The following BMP1 variants were observed in gnomAD, a reference collection of about 807,000 sequenced individuals.
The protein encoded by BMP1 is bone morphogenetic protein 1.
In BMP1, 63 loss-of-function variants were observed where a neutral mutation model predicts 116.8. The observed-to-expected ratio is 0.54, with a 90% CI of 0.44 to 0.67. The LOEUF (loss-of-function observed/expected upper bound fraction) is 0.67. Among genes scored for constraint, BMP1 ranks in the 30% least tolerant of loss-of-function variants. BMP1 has a pLI of 0.00. For synonymous variants in BMP1, 536 were observed against 533.4 expected, an observed-to-expected ratio of 1.00 and a Z score of -0.07; for missense variants, 1,183 against 1,358.9, an observed-to-expected ratio of 0.87 and a Z score of 2.04.
intron 8 of BMP1, among the ~76,000 whole-genome samples, chr8:22,190,584 G>A (rs1012569188): frequency 6.6e-6 from 1 of 152,232 alleles, no homozygotes; most frequent in Non-Finnish European, 1.5e-5. Context: ...AAGGTATAGA[G>A]AGGTGGAGAG....
chr8:22,209,477 A>AC lies in BMP1; in HGVS notation c.2610dup (p.Lys871GlnfsTer21), dbSNP rs1829422782. On this transcript the variant is annotated frameshift_variant, in exon 19 of 20. Transcript: ENST00000306385. LOFTEE classifies it high-confidence loss of function. ...GGGCCAGGTACGGGCAGACGTGAAG[A>AC]CCAAGGACCTTTACTCCCACGCCCA... is the stretch of plus-strand genomic sequence containing the variant. 6.2e-7 allele frequency: 1 copy of AC among 1,614,054 alleles called. No homozygotes were observed. The highest frequency in any genetic ancestry group is 8.5e-7 in the Non-Finnish European group (1 of 1,180,026).
intron 8 of BMP1, among the ~76,000 whole-genome samples, chr8:22,190,046 G>A (rs1470770373): frequency 3.3e-5 from 5 of 152,098 alleles, no homozygotes; most frequent in Admixed American, 3.3e-4. Context: ...TCAGCCTCCT[G>A]AGTAGCTAGG....
intron 8 of BMP1, among the ~76,000 whole-genome samples, chr8:22,182,473 G>A (rs1399800272): frequency 6.6e-6 from 1 of 152,182 alleles, no homozygotes; most frequent in South Asian, 2.1e-4. Context: ...CGGGATGTAC[G>A]CTCCTTCTGA....
intron 18 of BMP1, 144 bp downstream of exon 18, chr8:22,207,660 G>A (rs912292269): frequency 4.0e-6 from 4 of 989,154 alleles, no homozygotes; most frequent in Non-Finnish European, 5.9e-6. Flanking sequence ...CAAACATTGT[G>A]TCCTGAGAAC....
chr8:22,201,200 G>T lies in BMP1; in HGVS notation c.2108-603G>T, dbSNP rs371992060. The T allele has an allele frequency of 6.8e-6, 11 of 1,609,788 alleles. No homozygotes were observed. The highest frequency in any genetic ancestry group is 2.2e-5 in the East Asian group (1 of 44,514). ...TGCAGAAAAGAAACCGGACCCCCCAGTGAGGCCTGCCAGGCCTCCCGGACC... is the reference window on the plus strand; with the variant it reads ...TGCAGAAAAGAAACCGGACCCCCCATTGAGGCCTGCCAGGCCTCCCGGACC... On this transcript the variant is annotated intron_variant, in intron 15 of 19. Coordinates refer to ENST00000306385, the MANE Select transcript of BMP1 (RefSeq NM_006129.5).
chr8:22,192,464 T>G (rs1158822684), intron 9 of BMP1: 1 of 255,612 alleles, frequency 3.9e-6, no homozygotes, highest in East Asian at 9.9e-5. Flanking sequence ...GACAGGCTGT[T>G]CTGCGCATCC....
chr8:22,181,245 C>T (rs967779578), intron 8 of BMP1, among the ~76,000 whole-genome samples: 2 of 152,238 alleles, frequency 1.3e-5, no homozygotes, highest in Non-Finnish European at 2.9e-5. Flanking sequence ...CACCTTCTGT[C>T]TTACCTTGTG....
At chr8:22,174,701 C>T (rs937117144) in intron 2 of BMP1, among the ~76,000 whole-genome samples, 4 of 136,632 alleles carry the variant, frequency 2.9e-5, no homozygotes, top group African/African-American at 8.6e-5. Flanking sequence ...GGCACCATTT[C>T]GGCTCACTGC....
At chr8:22,185,768 C>T (rs1396933975) in intron 8 of BMP1, among the ~76,000 whole-genome samples, 1 of 151,598 alleles carries the variant, frequency 6.6e-6, no homozygotes, top group Non-Finnish European at 1.5e-5. Context: ...ATCACAGGCA[C>T]CTGCTATCGC....
In BMP1 at chr8:22,195,550, C is replaced by T. The variant is rs781515152; in HGVS notation, c.1728C>T (p.Pro576=). The change falls in exon 13 of 20, where the codon CCC becomes CCT. Residue 576 remains proline, a synonymous_variant. Coordinates refer to ENST00000306385, the MANE Select transcript of BMP1 (RefSeq NM_006129.5). ...TLGSYKCSCD[P]GYELAPDKRR... ...GCAGCTACAAGTGCAGCTGTGACCC[C>T]GGGTACGAGCTGGCCCCAGACAAGC... is the stretch of plus-strand genomic sequence containing the variant. 1.7e-5 allele frequency: 27 copies of T among 1,612,362 alleles called. No individual in the cohort carries two copies. The African/African-American group carries it at 2.1e-4, about 13-fold the overall frequency.
intron 15 of BMP1, 31 bp downstream of exon 15, chr8:22,197,451 A>T: frequency 6.3e-7 from 1 of 1,575,704 alleles, no homozygotes; most frequent in Non-Finnish European, 8.7e-7. Flanking sequence ...TCCTAGCCCC[A>T]CCTCTCCTCG....
At position 22,177,062 on chromosome 8, in the gene BMP1, T is replaced by C; in HGVS notation, c.653T>C (p.Val218Ala). 5.6e-6 allele frequency: 9 copies of C among 1,612,618 alleles called. No individual in the cohort carries two copies. Among genetic ancestry groups the C allele is most frequent in the Non-Finnish European group, 7.6e-6 (9 of 1,179,444 alleles). Reference sequence around the variant, plus strand: ...ATTGTGGTCCACGAGCTGGGCCACGTCGTCGGCTTCTGGCACGAACACACT... The same window carrying C: ...ATTGTGGTCCACGAGCTGGGCCACGCCGTCGGCTTCTGGCACGAACACACT... The part of the protein sequence containing the change: ...FGIVVHELGH[V>A]VGFWHEHTRP... Residue 218 changes from valine (V) to alanine (A), a missense_variant, in exon 5 of 20, where the codon GTC (valine) becomes GCC (alanine). Physicochemically the swap from Val to Ala is moderately conservative, Grantham distance 64. This residue lies in a region of BMP1 where 956 missense variants were observed against 1,135.2 expected (regional missense o/e 0.84). Coordinates refer to ENST00000306385, the MANE Select transcript of BMP1 (RefSeq NM_006129.5).
In BMP1 at chr8:22,194,205, CAGAT is replaced by C; in HGVS notation, c.1297+34_1297+37del. ...GAGGAAGGCGGCGGGCGGGAGGAGTCAGATAGGAGGTCTCTGGGCATGGTAAAAC... is the reference window on the plus strand; with the variant it reads ...GAGGAAGGCGGCGGGCGGGAGGAGTCAGGAGGTCTCTGGGCATGGTAAAAC... On this transcript the variant is annotated intron_variant, in intron 10 of 19. Coordinates refer to ENST00000306385, the MANE Select transcript of BMP1 (RefSeq NM_006129.5). The surrounding 1 kb of genome is among the most constrained non-coding windows in gnomAD (Gnocchi z 4.5). 1 of 1,593,638 alleles carries C rather than the reference CAGAT, an allele frequency of 6.3e-7. No individual in the cohort carries two copies. Among genetic ancestry groups the C allele is most frequent in the Admixed American group, 1.7e-5 (1 of 59,992 alleles).
chr8:22,191,707 C>A (rs935503558), intron 8 of BMP1, among the ~76,000 whole-genome samples: 2 of 152,370 alleles, frequency 1.3e-5, no homozygotes, highest in East Asian at 1.9e-4. Context: ...CCTCCAGTAC[C>A]CTCACGCGGC....
Position 22,194,396 on chromosome 8 carries a change from A to G in BMP1, c.1298-49A>G. 1 of 1,608,396 alleles carries G rather than the reference A, an allele frequency of 6.2e-7. No individual in the cohort carries two copies. Among genetic ancestry groups the G allele is most frequent in the South Asian group, 1.1e-5 (1 of 90,042 alleles). Reference sequence around the variant, plus strand: ...GGGAAAAGAGCTCCCTAGCAGGGCAAAGCATGCTGACTCACCACCCCTTCC... The same window carrying G: ...GGGAAAAGAGCTCCCTAGCAGGGCAGAGCATGCTGACTCACCACCCCTTCC... On this transcript the variant is annotated intron_variant, in intron 10 of 19. Transcript: ENST00000306385. The surrounding 1 kb of genome is among the most constrained non-coding windows in gnomAD (Gnocchi z 4.5).
intron 1 of BMP1, among the ~76,000 whole-genome samples, chr8:22,173,036 C>G (rs1020572069): frequency 1.3e-5 from 2 of 152,158 alleles, no homozygotes; most frequent in African/African-American, 4.8e-5. Context: ...CTGGAAGACC[C>G]TAGGTCAGTA....
chr8:22,194,894 G>T lies in BMP1; in HGVS notation c.1614G>T (p.Ala538=). ...TCTCTGACGGGTCCATTAACAAAGC[G>T]GGCTTTGCCGTCAACTTTTTCAAAG... ...KFVSDGSINK[A]GFAVNFFKEV... Residue 538 remains alanine (A), a synonymous_variant, in exon 12 of 20, where the codon GCG becomes GCT. Transcript: ENST00000306385. This position sits in a 1 kb window ranked among gnomAD's most constrained non-coding sequence, Gnocchi z 4.5. The T allele has an allele frequency of 1.2e-6, 2 of 1,610,100 alleles. No homozygotes were observed. The highest frequency in any genetic ancestry group is 1.7e-6 in the Non-Finnish European group (2 of 1,178,798).
chr8:22,202,025 G>A (rs1829276208), intron 16 of BMP1, 97 bp downstream of exon 16: 2 of 1,481,814 alleles, frequency 1.3e-6, no homozygotes, highest in Admixed American at 2.3e-5. Context: ...TTTAGATTCT[G>A]GGGCCTGTAT....
Position 22,195,588 on chromosome 8 carries a change from G to A in BMP1, c.1765+1G>A. 1 of 1,611,680 alleles carries A rather than the reference G, an allele frequency of 6.2e-7. No individual in the cohort carries two copies. Among genetic ancestry groups the A allele is most frequent in the Non-Finnish European group, 8.5e-7 (1 of 1,179,524 alleles). Reference sequence around the variant, plus strand: ...GCCCCAGACAAGCGCCGCTGTGAGGGTGAGTGCCCCCAGACTGCCTCTGAC... The same window carrying A: ...GCCCCAGACAAGCGCCGCTGTGAGGATGAGTGCCCCCAGACTGCCTCTGAC... On this transcript the variant is annotated splice_donor_variant, in intron 13 of 19. Coordinates refer to ENST00000306385, the MANE Select transcript of BMP1 (RefSeq NM_006129.5). LOFTEE classifies it high-confidence loss of function.
Sources: allele counts gnomAD v4.1 joint callset (sites outside exome capture counted in the v4.1 genomes callset), GRCh38; gene constraint gnomAD v4.1.1; regional missense constraint gnomAD v4.1.1; non-coding constraint Gnocchi (gnomAD v3.1); transcripts MANE v1.5; gene names NCBI Gene and HGNC (gene_info 2026-07-23, HGNC 2026-07-21).